Variants in NCKAP5 observed in about 807,000 individuals in gnomAD.
NCKAP5 encodes NCK associated protein 5.
In NCKAP5, 92 loss-of-function variants were observed where a neutral mutation model predicts 167.0. The observed-to-expected ratio is 0.55, with a 90% CI of 0.47 to 0.66. The LOEUF (loss-of-function observed/expected upper bound fraction) is 0.66, where lower values mean the gene tolerates loss of function less well. Among genes scored for constraint, NCKAP5 ranks in the 30% least tolerant of loss-of-function variants. The probability of loss-of-function intolerance (pLI) is 0.00; values close to 1 mark genes in which losing one functional copy is unlikely to be tolerated. For synonymous variants in NCKAP5, 891 were observed against 877.4 expected, an observed-to-expected ratio of 1.02 and a Z score of -0.27; for missense variants, 2,378 against 2,315.0, an observed-to-expected ratio of 1.03 and a Z score of -0.56.
chr2:133,428,747 A>G (rs937103302), intron 3 of NCKAP5, among the ~76,000 whole-genome samples: 1 of 152,152 alleles, frequency 6.6e-6, no homozygotes, highest in Non-Finnish European at 1.5e-5. Context: ...ACAAACACAC[A>G]ATTTATAAAA....
chr2:133,649,031 A>G, the NCKAP5 span, among the ~76,000 whole-genome samples: 1 of 151,954 alleles, frequency 6.6e-6, no homozygotes, highest in African/African-American at 2.4e-5. Flanking sequence ...ACTCAAATAC[A>G]TAAAATCAAA....
intron 11 of NCKAP5, among the ~76,000 whole-genome samples, chr2:132,814,758 G>A (rs1428317045): frequency 6.6e-6 from 1 of 152,148 alleles, no homozygotes; most frequent in African/African-American, 2.4e-5. Context: ...AAAGTGCATG[G>A]CTATGACATT....
At chr2:133,487,217 G>C (rs1327727218) in intron 3 of NCKAP5, among the ~76,000 whole-genome samples, 1 of 152,160 alleles carries the variant, frequency 6.6e-6, no homozygotes, top group Non-Finnish European at 1.5e-5. Context: ...CACAGGAAGA[G>C]TTATAGACAC....
chr2:133,567,179 G>C (rs1444585961), intron 1 of NCKAP5, among the ~76,000 whole-genome samples: 1 of 152,184 alleles, frequency 6.6e-6, no homozygotes, highest in Non-Finnish European at 1.5e-5. Flanking sequence ...AGGTCTAGAG[G>C]GCAGGAATCA....
chr2:133,128,971 A>T (rs1421922500), intron 6 of NCKAP5, among the ~76,000 whole-genome samples: 8 of 122,726 alleles, frequency 6.5e-5, no homozygotes, highest in South Asian at 2.5e-4. Context: ...TTTTTTTACT[A>T]CTCCTTAGTG....
chr2:133,101,865 G>C (rs549817510), intron 6 of NCKAP5, among the ~76,000 whole-genome samples: 1 of 152,092 alleles, frequency 6.6e-6, no homozygotes, highest in Admixed American at 6.5e-5. Flanking sequence ...GACAGGGTGC[G>C]CAATTGCAGA....
chr2:133,130,741 G>A (rs925502783), intron 5 of NCKAP5, among the ~76,000 whole-genome samples: 43 of 152,348 alleles, frequency 2.8e-4, no homozygotes, highest in Admixed American at 1.6e-3. Flanking sequence ...AGAATAGACG[G>A]TTCAGCAGAA....
At chr2:133,244,003 G>A (rs1021809962) in intron 4 of NCKAP5, among the ~76,000 whole-genome samples, 1 of 152,152 alleles carries the variant, frequency 6.6e-6, no homozygotes, top group Non-Finnish European at 1.5e-5. Context: ...TAGGAAAATG[G>A]TAGACAAGCT....
At chr2:132,721,973 C>G (rs1242447136) in intron 19 of NCKAP5, among the ~76,000 whole-genome samples, 4 of 152,198 alleles carry the variant, frequency 2.6e-5, no homozygotes, top group Non-Finnish European at 4.4e-5. Flanking sequence ...GGGGTTTGCT[C>G]TGGTTGGAGG....
chr2:132,869,036 A>G (rs115812874), intron 9 of NCKAP5, 62 bp from the exon 10 acceptor site: 1 of 1,212,948 alleles, frequency 8.2e-7, no homozygotes, highest in African/African-American at 1.5e-5. Flanking sequence ...CACCGACTCT[A>G]ATTTACCAAT....
intron 11 of NCKAP5, among the ~76,000 whole-genome samples, chr2:132,803,020 T>C (rs1656342630): frequency 6.6e-6 from 1 of 152,240 alleles, no homozygotes; most frequent in Non-Finnish European, 1.5e-5. Context: ...CTGAGTATTA[T>C]ATGGTCATTT....
intron 11 of NCKAP5, among the ~76,000 whole-genome samples, chr2:132,835,666 G>T (rs1488689379): frequency 6.7e-6 from 1 of 149,004 alleles, no homozygotes; most frequent in Non-Finnish European, 1.5e-5. Flanking sequence ...CTTTTTTCCA[G>T]TTTTCATTCA....
intron 2 of NCKAP5, among the ~76,000 whole-genome samples, chr2:133,529,902 T>G (rs1339391180): frequency 1.3e-5 from 2 of 152,162 alleles, no homozygotes; most frequent in African/African-American, 4.8e-5. Context: ...TCTGAATACA[T>G]TTTGAATATT....
At chr2:132,746,752 A>G (rs1346156818) in intron 16 of NCKAP5, among the ~76,000 whole-genome samples, 2 of 152,188 alleles carry the variant, frequency 1.3e-5, no homozygotes, top group Non-Finnish European at 2.9e-5. Context: ...AAATTGTGGT[A>G]CATTCATACA....
At chr2:133,318,767 A>G (rs897397412) in intron 3 of NCKAP5, among the ~76,000 whole-genome samples, 1 of 152,136 alleles carries the variant, frequency 6.6e-6, no homozygotes, top group Admixed American at 6.5e-5. Context: ...GTGCAATGCA[A>G]TAACTCAGCG....
At chr2:133,226,640 C>CAG (rs1553591197) in intron 4 of NCKAP5, among the ~76,000 whole-genome samples, 33 of 150,798 alleles carry the variant, frequency 2.2e-4, no homozygotes, top group African/African-American at 7.3e-4. Flanking sequence ...CACACACACA[C>CAG]AGGAAGAACA....
intron 19 of NCKAP5, among the ~76,000 whole-genome samples, chr2:132,680,364 A>G (rs934393068): frequency 6.6e-6 from 1 of 152,150 alleles, no homozygotes; most frequent in African/African-American, 2.4e-5. Context: ...AGATTTTATT[A>G]GGTGAAAGAG....
At chr2:132,828,026 C>T (rs1447276625) in intron 11 of NCKAP5, among the ~76,000 whole-genome samples, 4 of 152,012 alleles carry the variant, frequency 2.6e-5, no homozygotes, top group Admixed American at 2.6e-4. Context: ...GATGTGTGAT[C>T]TTGTTTATTC....
chr2:132,949,003 T>TGGAAAGAAAAGAAAA (rs2076091563), intron 8 of NCKAP5, among the ~76,000 whole-genome samples: 1 of 130,226 alleles, frequency 7.7e-6, no homozygotes, highest in African/African-American at 2.9e-5. Context: ...TCCAGAGAAA[T>TGGAAAGAAAAGAAAA]GAAAAGAAAA....
Sources: gnomAD v4.1 joint callset for allele counts (sites outside exome capture counted in the v4.1 genomes callset) on GRCh38, gnomAD v4.1.1 for gene constraint, MANE v1.5 for transcripts, NCBI Gene and HGNC (gene_info 2026-07-23, HGNC 2026-07-21) for gene names.